The following NRXN1 variants were observed in gnomAD, a reference collection of about 807,000 sequenced individuals.
The protein encoded by NRXN1 is neurexin-1.
In NRXN1, 39 loss-of-function variants were observed where a neutral mutation model predicts 150.9. The ratio of observed to expected loss-of-function variants is 0.26; its 90% CI spans 0.20 to 0.34. The LOEUF (loss-of-function observed/expected upper bound fraction) is 0.34. NRXN1 is among the 10% of genes least tolerant of loss of function. The probability of loss-of-function intolerance (pLI) is 1.00; values close to 1 mark genes in which losing one functional copy is unlikely to be tolerated. For missense variants in NRXN1, 1,815 were observed against 1,949.9 expected (o/e 0.93, Z 1.30); for synonymous variants, 924 against 757.0 (o/e 1.22, Z -3.62).
At chr2:50,437,902 T>C (rs183138382) in intron 17 of NRXN1, among the ~76,000 whole-genome samples, 2 of 152,272 alleles carry the variant, frequency 1.3e-5, no homozygotes, top group African/African-American at 4.8e-5. Flanking sequence ...ATAACAATCA[T>C]CAAAACACAA....
At chr2:50,286,606 G>T (rs1468633794) in intron 17 of NRXN1, among the ~76,000 whole-genome samples, 2 of 152,032 alleles carry the variant, frequency 1.3e-5, no homozygotes, top group Admixed American at 6.6e-5. Context: ...ATGTGCCACA[G>T]ATATTATGTG....
intron 19 of NRXN1, among the ~76,000 whole-genome samples, chr2:50,069,209 A>C (rs1695830210): frequency 6.6e-6 from 1 of 152,222 alleles, no homozygotes; most frequent in African/African-American, 2.4e-5. Flanking sequence ...ATCCACTTCA[A>C]CTAGAATGCC....
At chr2:50,600,766 T>A (rs988367782) in intron 8 of NRXN1, among the ~76,000 whole-genome samples, 2 of 152,186 alleles carry the variant, frequency 1.3e-5, no homozygotes, top group African/African-American at 4.8e-5. Context: ...GTTGAAGAAC[T>A]TTTTAGTTAG....
In NRXN1 at chr2:49,921,324, T is replaced by G. The variant is rs202136352; in HGVS notation, c.*620A>C. 1 of 152,644 alleles carries G rather than the reference T, an allele frequency of 6.6e-6. No homozygotes were observed. Among genetic ancestry groups the G allele is most frequent in the African/African-American group, 2.4e-5 (1 of 41,462 alleles). The allele number at this position is 152,644 out of a possible 1,614,324, so 9.5% of individuals were successfully genotyped here. Reference sequence around the variant, plus strand: ...ATTTCACATTTTTGAAAATAAGGCCTCCATACTTTTTTTTCCTCTCTCACA... The same window carrying G: ...ATTTCACATTTTTGAAAATAAGGCCGCCATACTTTTTTTTCCTCTCTCACA... On this transcript the variant is annotated 3_prime_UTR_variant, in exon 23 of 23. Coordinates refer to ENST00000401669, the MANE Select transcript of NRXN1 (RefSeq NM_001330078.2).
intron 5 of NRXN1, among the ~76,000 whole-genome samples, chr2:50,686,053 G>A (rs554039929): frequency 6.6e-6 from 1 of 152,024 alleles, no homozygotes. Context: ...TTCTCTTTCT[G>A]CTGTCTATGG....
intron 17 of NRXN1, among the ~76,000 whole-genome samples, chr2:50,258,242 T>C (rs1453249792): frequency 1.3e-5 from 2 of 152,068 alleles, no homozygotes; most frequent in South Asian, 2.1e-4. Context: ...TTAACCACAA[T>C]AGACTTCTTT....
chr2:50,610,646 T>C (rs867179828), intron 8 of NRXN1, among the ~76,000 whole-genome samples: 93 of 92,752 alleles, frequency 1.0e-3, no homozygotes, highest in Middle Eastern at 5.0e-3. Context: ...TAGATACATA[T>C]ATATATATAT....
chr2:50,584,931 C>T (rs1672848726), intron 8 of NRXN1, among the ~76,000 whole-genome samples: 1 of 152,084 alleles, frequency 6.6e-6, no homozygotes, highest in Non-Finnish European at 1.5e-5. Context: ...GGGATGTTCT[C>T]GAGTGTGGCA....
chr2:50,725,882 G>A (rs1224995138), intron 5 of NRXN1, among the ~76,000 whole-genome samples: 1 of 152,066 alleles, frequency 6.6e-6, no homozygotes, highest in Non-Finnish European at 1.5e-5. Flanking sequence ...AATAAACTTT[G>A]AATTAATCAT....
At chr2:50,252,887 T>C (rs1359594120) in intron 17 of NRXN1, among the ~76,000 whole-genome samples, 1 of 152,206 alleles carries the variant, frequency 6.6e-6, no homozygotes, top group African/African-American at 2.4e-5. Context: ...TTGTCTTAGC[T>C]ATACAGATTC....
Position 50,496,109 on chromosome 2 carries a change from G to T in NRXN1, c.2880-14C>A, listed in dbSNP as rs77308033. 1.9e-6 allele frequency: 3 copies of T among 1,567,020 alleles called. No individual in the cohort carries two copies. The South Asian group carries it at 3.5e-5, about 18-fold the overall frequency. ...TAATGTAAGTACCTGGGAAAAAAAT[G>T]AAAGAGGGGAAAGTGCCATCACTTT... On this transcript the variant is annotated splice_polypyrimidine_tract_variant and intron_variant, in intron 14 of 22. Transcript: ENST00000401669.
At chr2:50,482,079 T>A (rs566941830) in intron 15 of NRXN1, among the ~76,000 whole-genome samples, 2 of 152,294 alleles carry the variant, frequency 1.3e-5, no homozygotes, top group South Asian at 4.1e-4. Flanking sequence ...AACTTTTGTT[T>A]CTTATTTAAA....
At chr2:50,937,397 T>C (rs1436972051) in intron 2 of NRXN1, among the ~76,000 whole-genome samples, 1 of 152,164 alleles carries the variant, frequency 6.6e-6, no homozygotes, top group East Asian at 1.9e-4. Flanking sequence ...GCTTGGCTTC[T>C]ATGAAACTAT....
At chr2:50,528,378 G>A (rs940437564) in intron 12 of NRXN1, among the ~76,000 whole-genome samples, 2 of 152,088 alleles carry the variant, frequency 1.3e-5, no homozygotes, top group African/African-American at 4.8e-5. Flanking sequence ...TAAGGTGCTG[G>A]CACATTCTGT....
chr2:50,499,568 T>C (rs1211964297), intron 13 of NRXN1, among the ~76,000 whole-genome samples: 2 of 147,802 alleles, frequency 1.4e-5, no homozygotes, highest in African/African-American at 4.9e-5. Context: ...AAAAATAAAA[T>C]TAATCCTTAA....
chr2:50,769,953 G>T (rs549306342), intron 5 of NRXN1, among the ~76,000 whole-genome samples: 13 of 152,214 alleles, frequency 8.5e-5, no homozygotes, highest in Middle Eastern at 3.4e-3. Flanking sequence ...CCATGGGGGT[G>T]AGAAGCCAAG....
At chr2:50,472,265 A>G (rs2089551799) in intron 16 of NRXN1, 33 bp downstream of exon 16, 1 of 1,488,014 alleles carries the variant, frequency 6.7e-7, no homozygotes. Context: ...TGGAATTAGA[A>G]TTATTTAGAG....
chr2:50,377,082 AT>A (rs942314701), intron 17 of NRXN1, among the ~76,000 whole-genome samples: 5 of 150,898 alleles, frequency 3.3e-5, no homozygotes, highest in African/African-American at 1.2e-4. Context: ...TCTTTCTCCC[AT>A]TTTTTTCTTT....
intron 5 of NRXN1, among the ~76,000 whole-genome samples, chr2:50,734,903 C>T (rs1223167705): frequency 2.6e-5 from 4 of 152,076 alleles, no homozygotes; most frequent in Admixed American, 6.6e-5. Flanking sequence ...CAAATGTCAA[C>T]GAACAACAAG....
Sources: allele counts gnomAD v4.1 joint callset (sites outside exome capture counted in the v4.1 genomes callset), GRCh38; gene constraint gnomAD v4.1.1; transcripts MANE v1.5; gene names NCBI Gene and HGNC (gene_info 2026-07-23, HGNC 2026-07-21).